PLPP7: variants seen among roughly 807,000 people sequenced by gnomAD.
PLPP7 encodes phospholipid phosphatase 7 (inactive).
Under a neutral mutation model 16.9 loss-of-function variants are expected in PLPP7, and 11 were observed. That is an observed-to-expected ratio of 0.65 (90% CI 0.41 to 1.08). The LOEUF is 1.08. PLPP7 is among the 50% of genes least tolerant of loss of function. PLPP7 has a pLI of 0.00. For synonymous variants in PLPP7, 174 were observed against 175.1 expected (o/e 0.99, Z 0.05); for missense variants, 358 against 397.1 (o/e 0.90, Z 0.84).
chr9:131,294,395 G>A lies in PLPP7; in HGVS notation c.451+3947G>A, dbSNP rs531038047. Among the ~76,000 whole-genome samples the A allele has an allele frequency of 4.6e-5, 7 of 152,234 alleles. No homozygotes were observed. In the East Asian group the frequency reaches 9.7e-4, roughly 21 times the overall value. ...AATGATTATCATCATCATTATCACCGTCATCATTGTCAGAAGTCCAGGACC... is the reference window on the plus strand; with the variant it reads ...AATGATTATCATCATCATTATCACCATCATCATTGTCAGAAGTCCAGGACC... On this transcript the variant is annotated intron_variant, in intron 1 of 1. Transcript: ENST00000372264.
intron 1 of PLPP7, among the ~76,000 whole-genome samples, chr9:131,300,242 C>A (rs2131217712): frequency 6.6e-6 from 1 of 152,338 alleles, no homozygotes; most frequent in African/African-American, 2.4e-5. Context: ...CAGGAACCAC[C>A]CCTGGTACCT....
intron 1 of PLPP7, among the ~76,000 whole-genome samples, chr9:131,297,588 G>T (rs983676685): frequency 5.3e-5 from 8 of 152,158 alleles, no homozygotes; most frequent in African/African-American, 1.4e-4. Flanking sequence ...GTTTCACCAT[G>T]TTGGCCAGGC....
rs1242721680 is a variant in PLPP7, at chr9:131,308,246, A to T, written c.775A>T (p.Met259Leu). The change falls in exon 2 of 2, where the codon ATG (methionine) becomes TTG (leucine). Residue 259 changes from methionine (M) to leucine (L), a missense_variant. Met to Leu is a conservative substitution (Grantham distance 15). Transcript: ENST00000372264. The stretch of plus-strand genomic sequence containing the variant: ...GTTCCGTCTGGTGGAGCTGGTCTGG[A>T]TGCCCTCCAGCACCTGCCAGATGCT... ...LQFRLVELVWMPSSTCQMLIS... is the reference protein window; with the variant it reads ...LQFRLVELVWLPSSTCQMLIS... 2.5e-6 allele frequency: 4 copies of T among 1,598,498 alleles called. No homozygotes were observed. The highest frequency in any genetic ancestry group is 3.4e-6 in the Non-Finnish European group (4 of 1,179,592).
chr9:131,307,107 A>G (rs1013200500), intron 1 of PLPP7, among the ~76,000 whole-genome samples: 1 of 151,624 alleles, frequency 6.6e-6, no homozygotes, highest in Non-Finnish European at 1.5e-5. Context: ...TTAGCCAAGC[A>G]TGGTAGTGTG....
At chr9:131,297,926 G>A (rs1835752859) in intron 1 of PLPP7, among the ~76,000 whole-genome samples, 2 of 152,200 alleles carry the variant, frequency 1.3e-5, no homozygotes, top group South Asian at 4.1e-4. Flanking sequence ...TATTTTATAA[G>A]TGGCCTTTTC....
intron 1 of PLPP7, among the ~76,000 whole-genome samples, chr9:131,297,514 T>C (rs1233228500): frequency 6.6e-6 from 1 of 151,810 alleles, no homozygotes; most frequent in African/African-American, 2.4e-5. Flanking sequence ...GCCTCCTGGG[T>C]AGCTGGGATT....
At chr9:131,303,685 T>G (rs1167292952) in intron 1 of PLPP7, among the ~76,000 whole-genome samples, 1 of 152,148 alleles carries the variant, frequency 6.6e-6, no homozygotes, top group Non-Finnish European at 1.5e-5. Context: ...GCGACTTCCA[T>G]GCTTTAGCAC....
chr9:131,296,326 C>T (rs1351292866), intron 1 of PLPP7, among the ~76,000 whole-genome samples: 2 of 152,072 alleles, frequency 1.3e-5, no homozygotes, highest in African/African-American at 4.8e-5. Context: ...TAAAGTGATG[C>T]GATCTCGGTT....
intron 1 of PLPP7, among the ~76,000 whole-genome samples, chr9:131,293,794 A>T (rs1835707304): frequency 6.6e-6 from 1 of 151,982 alleles, no homozygotes; most frequent in Non-Finnish European, 1.5e-5. Flanking sequence ...GGGAGATGGC[A>T]AAGCATTTGG....
intron 1 of PLPP7, among the ~76,000 whole-genome samples, chr9:131,296,342 C>T (rs1007696836): frequency 1.4e-4 from 22 of 152,142 alleles, no homozygotes; most frequent in Non-Finnish European, 2.9e-4. Context: ...CGGTTCACTG[C>T]AACCTCCGCC....
intron 1 of PLPP7, among the ~76,000 whole-genome samples, chr9:131,294,286 T>C (rs996083602): frequency 1.3e-5 from 2 of 152,192 alleles, no homozygotes; most frequent in Admixed American, 6.5e-5. Context: ...TCTTCATCTG[T>C]CAGGTGGGTT....
chr9:131,292,969 T>G (rs1343587759), intron 1 of PLPP7: 1 of 985,058 alleles, frequency 1.0e-6, no homozygotes. Flanking sequence ...GTGATAGACA[T>G]TTTTAAAAAT....
chr9:131,301,454 C>T (rs1835797255), intron 1 of PLPP7, among the ~76,000 whole-genome samples: 1 of 152,224 alleles, frequency 6.6e-6, no homozygotes, highest in African/African-American at 2.4e-5. Flanking sequence ...TTCGGGCACC[C>T]AGACCCTGGC....
intron 1 of PLPP7, among the ~76,000 whole-genome samples, chr9:131,306,012 C>A (rs747174974): frequency 2.7e-5 from 4 of 150,294 alleles, no homozygotes; most frequent in Non-Finnish European, 4.4e-5. Flanking sequence ...CCAAGACGGG[C>A]GGATCGCGAG....
intron 1 of PLPP7, among the ~76,000 whole-genome samples, chr9:131,299,039 AT>A (rs1368270248): frequency 6.6e-6 from 1 of 151,912 alleles, no homozygotes; most frequent in Non-Finnish European, 1.5e-5. Flanking sequence ...CCGGGGGTCC[AT>A]TACCAAGTGT....
intron 1 of PLPP7, among the ~76,000 whole-genome samples, chr9:131,294,651 T>G (rs983008696): frequency 1.3e-5 from 2 of 151,864 alleles, no homozygotes; most frequent in African/African-American, 2.4e-5. Flanking sequence ...GAAAGTATCT[T>G]TTTGTTTGTT....
At chr9:131,302,389 G>A (rs1248587199) in intron 1 of PLPP7, among the ~76,000 whole-genome samples, 4 of 152,176 alleles carry the variant, frequency 2.6e-5, no homozygotes, top group Non-Finnish European at 4.4e-5. Flanking sequence ...GCTGCTTCAT[G>A]GGGCGAAGGG....
At position 131,290,173 on chromosome 9, in the gene PLPP7, G is replaced by T; in HGVS notation, c.176G>T (p.Arg59Leu). 1 of 1,580,678 alleles carries T rather than the reference G, an allele frequency of 6.3e-7. No individual in the cohort carries two copies. Among genetic ancestry groups the T allele is most frequent in the African/African-American group, 1.3e-5 (1 of 74,396 alleles). The change falls in exon 1 of 2, where the codon CGA becomes CTA. Residue 59 changes from arginine to leucine, a missense_variant. By Grantham distance (102) the Arg-to-Leu change is moderately radical. Coordinates refer to ENST00000372264, the MANE Select transcript of PLPP7 (RefSeq NM_032728.4). The surrounding 1 kb of genome is among the most constrained non-coding windows in gnomAD (Gnocchi z 4.2). ...CCTGCTGGTGACGGGGCCAGAGAGCGACGCCAGTCACAGCAGCTGCCAGAG... is the reference window on the plus strand; with the variant it reads ...CCTGCTGGTGACGGGGCCAGAGAGCTACGCCAGTCACAGCAGCTGCCAGAG... The part of the protein sequence containing the change: ...PPPAGDGARE[R>L]RQSQQLPEED...
In PLPP7 at chr9:131,290,222, C is replaced by A. The variant is rs765513387; in HGVS notation, c.225C>A (p.Pro75=). 21 of 1,608,248 alleles carry A rather than the reference C, an allele frequency of 1.3e-5. No individual in the cohort carries two copies. In the African/African-American group the frequency reaches 1.5e-4, roughly 11 times the overall value. The part of the protein sequence containing the change: ...LPEEDCMQLN[P]SFKGIAFNSL... ...AGGAGGACTGCATGCAGCTGAACCC[C>A]TCCTTCAAGGGCATCGCCTTCAACT... Residue 75 remains proline (P), a synonymous_variant, in exon 1 of 2, where the codon CCC becomes CCA. Transcript: ENST00000372264. The surrounding 1 kb of genome is among the most constrained non-coding windows in gnomAD (Gnocchi z 4.2).
Sources: gnomAD v4.1 joint callset for allele counts (sites outside exome capture counted in the v4.1 genomes callset) on GRCh38, gnomAD v4.1.1 for gene constraint, Gnocchi (gnomAD v3.1) non-coding constraint, MANE v1.5 for transcripts, NCBI Gene and HGNC (gene_info 2026-07-23, HGNC 2026-07-21) for gene names.